The following CERS6 variants were observed in gnomAD, a reference collection of about 807,000 sequenced individuals.
CERS6 encodes LAG1 homolog, ceramide synthase 6.
Under a neutral mutation model 56.8 loss-of-function variants are expected in CERS6, and 26 were observed. That is an observed-to-expected ratio of 0.46 (90% confidence interval 0.34 to 0.63). The LOEUF is 0.63. CERS6 is among the 30% of genes least tolerant of loss of function. The pLI is 0.01. For missense variants in CERS6, 415 were observed against 467.5 expected (o/e 0.89, Z 1.04); for synonymous variants, 164 against 173.3 (o/e 0.95, Z 0.42).
At chr2:168,657,572 G>A (rs1365429663) in intron 4 of CERS6, among the ~76,000 whole-genome samples, 1 of 152,240 alleles carries the variant, frequency 6.6e-6, no homozygotes, top group Non-Finnish European at 1.5e-5. Flanking sequence ...TGCAGGTCCC[G>A]AGCCCTGCCC....
chr2:168,540,409 A>G (rs947370752), intron 1 of CERS6, among the ~76,000 whole-genome samples: 4 of 152,218 alleles, frequency 2.6e-5, no homozygotes, highest in African/African-American at 9.6e-5. Context: ...CTTCTTCACA[A>G]GACAGCAGGA....
intron 1 of CERS6, among the ~76,000 whole-genome samples, chr2:168,459,539 TG>T (rs1243665792): frequency 1.3e-5 from 2 of 152,020 alleles, no homozygotes; most frequent in Non-Finnish European, 1.5e-5. Context: ...CAAAGCTTGG[TG>T]GTTTTTAGCA....
chr2:168,704,709 C>A (rs1272008154), intron 6 of CERS6, among the ~76,000 whole-genome samples: 1 of 152,114 alleles, frequency 6.6e-6, no homozygotes, highest in Admixed American at 6.5e-5. Context: ...CGGGTTCAAG[C>A]GATTCTCCTG....
intron 8 of CERS6, among the ~76,000 whole-genome samples, chr2:168,727,699 A>G (rs1381507975): frequency 6.6e-6 from 1 of 152,180 alleles, no homozygotes; most frequent in Non-Finnish European, 1.5e-5. Flanking sequence ...GGCATGGCTT[A>G]TATGCTTTTC....
At chr2:168,508,502 A>G (rs555051521) in intron 1 of CERS6, among the ~76,000 whole-genome samples, 29 of 152,252 alleles carry the variant, frequency 1.9e-4, no homozygotes, top group South Asian at 1.7e-3. Context: ...AGCACCTTCA[A>G]TGCACCCCTT....
intron 4 of CERS6, among the ~76,000 whole-genome samples, chr2:168,680,247 C>T (rs934843741): frequency 2.6e-5 from 4 of 152,266 alleles, no homozygotes; most frequent in African/African-American, 9.6e-5. Context: ...GAAGAGTGGA[C>T]TTAGTCGTGC....
At chr2:168,565,323 G>C (rs1310893445) in intron 3 of CERS6, among the ~76,000 whole-genome samples, 1 of 152,076 alleles carries the variant, frequency 6.6e-6, no homozygotes, top group Non-Finnish European at 1.5e-5. Context: ...CCCATCCCAG[G>C]GTGTCAGGAT....
At position 168,456,951 on chromosome 2, in the gene CERS6, C is replaced by T. The variant is rs74694867; in HGVS notation, c.170+333C>T. Among the ~76,000 whole-genome samples, 263 of 152,332 alleles carry T rather than the reference C, an allele frequency of 1.7e-3. 5 individuals are homozygous for T. In the East Asian group the frequency reaches 0.047, roughly 27 times the overall value. The stretch of plus-strand genomic sequence containing the variant: ...GGTCGGGCTCAGGACCCGCCGCATT[C>T]CGCGGGGCTCGCCCCTCTCCGCCGG... On this transcript the variant is annotated intron_variant, in intron 1 of 9. Coordinates refer to ENST00000305747, the MANE Select transcript of CERS6 (RefSeq NM_203463.3). The surrounding 1 kb of genome is among the most constrained non-coding windows in gnomAD (Gnocchi z 4.1).
chr2:168,505,382 CA>C (rs370477008), intron 1 of CERS6, among the ~76,000 whole-genome samples: 2 of 96,380 alleles, frequency 2.1e-5, no homozygotes, highest in Admixed American at 1.3e-4. Flanking sequence ...ACCCTGTTTC[CA>C]AAAAAAAAAA....
intron 4 of CERS6, among the ~76,000 whole-genome samples, chr2:168,639,851 G>C (rs1684947393): frequency 6.6e-6 from 1 of 152,094 alleles, no homozygotes; most frequent in South Asian, 2.1e-4. Context: ...TAGTGTTTGT[G>C]CTTTGTTTTG....
chr2:168,470,014 T>C (rs1014203025), intron 1 of CERS6, among the ~76,000 whole-genome samples: 1 of 152,206 alleles, frequency 6.6e-6, no homozygotes, highest in Admixed American at 6.5e-5. Flanking sequence ...TTCATCCTGA[T>C]TTGAGATTGT....
intron 4 of CERS6, among the ~76,000 whole-genome samples, chr2:168,683,729 C>T (rs1440835336): frequency 6.6e-6 from 1 of 152,166 alleles, no homozygotes; most frequent in African/African-American, 2.4e-5. Flanking sequence ...TTTTACTTTG[C>T]AGTGATTCTT....
intron 8 of CERS6, among the ~76,000 whole-genome samples, chr2:168,725,861 T>C (rs563491010): frequency 1.3e-5 from 2 of 152,354 alleles, no homozygotes; most frequent in African/African-American, 2.4e-5. Context: ...AATCTATGCA[T>C]TGTAGCCTTG....
intron 8 of CERS6, among the ~76,000 whole-genome samples, chr2:168,732,101 C>G (rs929825990): frequency 6.6e-6 from 1 of 152,022 alleles, no homozygotes; most frequent in Non-Finnish European, 1.5e-5. Flanking sequence ...GGCACTTGAC[C>G]CCCTTCTTCT....
At chr2:168,765,786 A>C (rs1422189662) in intron 9 of CERS6, 38 bp downstream of exon 9, 5 of 1,576,130 alleles carry the variant, frequency 3.2e-6, no homozygotes, top group Non-Finnish European at 4.3e-6. Flanking sequence ...TGTCTTAAAA[A>C]ATTTTGTTTT....
At chr2:168,483,796 A>G (rs1291613540) in intron 1 of CERS6, among the ~76,000 whole-genome samples, 1 of 152,232 alleles carries the variant, frequency 6.6e-6, no homozygotes, top group Non-Finnish European at 1.5e-5. Flanking sequence ...ACTTAATGAG[A>G]AAATATTTAT....
chr2:168,614,201 G>A (rs1684255711), intron 3 of CERS6, among the ~76,000 whole-genome samples: 1 of 152,188 alleles, frequency 6.6e-6, no homozygotes, highest in South Asian at 2.1e-4. Flanking sequence ...AATTGGATGG[G>A]AGATCCTTGA....
chr2:168,627,585 T>G (rs1317495590), intron 3 of CERS6, among the ~76,000 whole-genome samples: 1 of 152,002 alleles, frequency 6.6e-6, no homozygotes, highest in Non-Finnish European at 1.5e-5. Flanking sequence ...TTGTTTTCAT[T>G]TGATTTGTGT....
At chr2:168,751,862 G>GTA (rs1277078125) in intron 8 of CERS6, among the ~76,000 whole-genome samples, 4 of 152,140 alleles carry the variant, frequency 2.6e-5, no homozygotes, top group Non-Finnish European at 5.9e-5. Context: ...GATCCCTTGT[G>GTA]TATACCCTTT....
Sources: gnomAD v4.1 joint callset for allele counts (sites outside exome capture counted in the v4.1 genomes callset) on GRCh38, gnomAD v4.1.1 for gene constraint, Gnocchi (gnomAD v3.1) non-coding constraint, MANE v1.5 for transcripts, NCBI Gene and HGNC (gene_info 2026-07-23, HGNC 2026-07-21) for gene names.